The following CNTNAP2 variants were observed in gnomAD, a reference collection of about 807,000 sequenced individuals.
CNTNAP2 encodes the protein contactin-associated protein-like 2.
Under a neutral mutation model 155.2 loss-of-function variants are expected in CNTNAP2, and 98 were observed. That is an observed-to-expected ratio of 0.63 (90% CI 0.54 to 0.75). The LOEUF is 0.75. Among genes scored for constraint, CNTNAP2 ranks in the 30% least tolerant of loss-of-function variants. The pLI is 0.00. For synonymous variants in CNTNAP2, 651 were observed against 631.2 expected, an observed-to-expected ratio of 1.03 and a Z score of -0.47; for missense variants, 1,727 against 1,688.1, an observed-to-expected ratio of 1.02 and a Z score of -0.40.
At chr7:146,865,677 T>A (rs1795190703) in intron 3 of CNTNAP2, among the ~76,000 whole-genome samples, 1 of 152,222 alleles carries the variant, frequency 6.6e-6, no homozygotes, top group Admixed American at 6.5e-5. Flanking sequence ...GTTTTAAACC[T>A]CTAGAAGAAT....
At chr7:148,156,867 C>T (rs1805408508) in intron 17 of CNTNAP2, among the ~76,000 whole-genome samples, 1 of 152,142 alleles carries the variant, frequency 6.6e-6, no homozygotes, top group African/African-American at 2.4e-5. Context: ...CTCTTTCCCT[C>T]ATCACTTCCT....
At chr7:147,028,907 T>G (rs1798972683) in intron 3 of CNTNAP2, among the ~76,000 whole-genome samples, 1 of 147,008 alleles carries the variant, frequency 6.8e-6, no homozygotes, top group Admixed American at 6.8e-5. Flanking sequence ...CCAATGAAGA[T>G]AAAGGAGAAG....
intron 2 of CNTNAP2, among the ~76,000 whole-genome samples, chr7:146,825,682 C>T (rs1347737317): frequency 6.6e-6 from 1 of 152,094 alleles, no homozygotes; most frequent in African/African-American, 2.4e-5. Flanking sequence ...AAGCAATTTT[C>T]CACTTACTGC....
chr7:148,214,315 T>A (rs1225170914), intron 18 of CNTNAP2, among the ~76,000 whole-genome samples: 1 of 152,212 alleles, frequency 6.6e-6, no homozygotes, highest in Non-Finnish European at 1.5e-5. Flanking sequence ...ATTTAGGTAG[T>A]GAGATGGGGT....
intron 15 of CNTNAP2, among the ~76,000 whole-genome samples, chr7:147,990,888 C>A (rs186976574): frequency 2.0e-5 from 3 of 152,074 alleles, no homozygotes; most frequent in Middle Eastern, 3.4e-3. Context: ...AATGTTTAGC[C>A]CCCTTTTCCC....
At chr7:147,553,098 C>A (rs1192429218) in intron 11 of CNTNAP2, among the ~76,000 whole-genome samples, 1 of 152,176 alleles carries the variant, frequency 6.6e-6, no homozygotes, top group Non-Finnish European at 1.5e-5. Flanking sequence ...GTATCAGTGA[C>A]ATTCTTGAAG....
At chr7:147,917,545 T>A (rs1800181440) in intron 14 of CNTNAP2, among the ~76,000 whole-genome samples, 2 of 152,192 alleles carry the variant, frequency 1.3e-5, no homozygotes, top group Non-Finnish European at 2.9e-5. Flanking sequence ...AGCATGCCTT[T>A]TCCTTCCAAG....
At chr7:147,813,062 G>A (rs1474750721) in intron 13 of CNTNAP2, among the ~76,000 whole-genome samples, 1 of 151,384 alleles carries the variant, frequency 6.6e-6, no homozygotes, top group Non-Finnish European at 1.5e-5. Context: ...TTGATCCTTG[G>A]TTGATGCTAA....
chr7:148,324,718 A>C (rs2116543664), intron 21 of CNTNAP2, among the ~76,000 whole-genome samples: 1 of 148,392 alleles, frequency 6.7e-6, no homozygotes, highest in East Asian at 2.0e-4. Flanking sequence ...GAATCACTTG[A>C]ACCTGGGATG....
chr7:147,798,737 A>G (rs577359924), intron 13 of CNTNAP2, among the ~76,000 whole-genome samples: 7 of 152,334 alleles, frequency 4.6e-5, no homozygotes, highest in South Asian at 4.1e-4. Flanking sequence ...TGATTGATTT[A>G]GACAAATCAG....
intron 2 of CNTNAP2, among the ~76,000 whole-genome samples, chr7:146,788,503 T>C (rs1802615923): frequency 6.6e-6 from 1 of 152,228 alleles, no homozygotes; most frequent in East Asian, 1.9e-4. Context: ...AAATGATGAC[T>C]TCTTTACTGT....
intron 1 of CNTNAP2, among the ~76,000 whole-genome samples, chr7:146,526,612 C>A (rs995492245): frequency 1.3e-5 from 2 of 152,152 alleles, no homozygotes; most frequent in African/African-American, 4.8e-5. Context: ...CTCCAGGCCC[C>A]ACCTCCAACA....
At chr7:146,710,600 C>A (rs1801047665) in intron 1 of CNTNAP2, among the ~76,000 whole-genome samples, 1 of 152,062 alleles carries the variant, frequency 6.6e-6, no homozygotes, top group Non-Finnish European at 1.5e-5. Context: ...AAAGTTACTA[C>A]TATAGGAGCA....
At chr7:147,475,637 T>TA (rs1038414895) in intron 10 of CNTNAP2, among the ~76,000 whole-genome samples, 7 of 149,990 alleles carry the variant, frequency 4.7e-5, no homozygotes, top group South Asian at 2.1e-4. Context: ...ACTCAAGATT[T>TA]AAAAAAAAAA....
At chr7:147,365,622 T>C (rs1287112777) in intron 9 of CNTNAP2, among the ~76,000 whole-genome samples, 1 of 152,238 alleles carries the variant, frequency 6.6e-6, no homozygotes. Context: ...GTCAAAACAT[T>C]ATCAGTCTCT....
At chr7:147,996,078 A>C (rs1476978990) in intron 15 of CNTNAP2, among the ~76,000 whole-genome samples, 1 of 152,246 alleles carries the variant, frequency 6.6e-6, no homozygotes, top group Non-Finnish European at 1.5e-5. Context: ...GCGAAAGCAC[A>C]AGGTCAACCC....
At chr7:147,759,419 G>T (rs1797265572) in intron 13 of CNTNAP2, among the ~76,000 whole-genome samples, 1 of 152,138 alleles carries the variant, frequency 6.6e-6, no homozygotes, top group South Asian at 2.1e-4. Flanking sequence ...AGTACCTCCG[G>T]TTTACCATTG....
chr7:147,584,174 G>A (rs552934727), intron 12 of CNTNAP2, among the ~76,000 whole-genome samples: 1 of 152,296 alleles, frequency 6.6e-6, no homozygotes, highest in Admixed American at 6.5e-5. Flanking sequence ...TTTCAAGTAT[G>A]CACAAAAGTG....
intron 15 of CNTNAP2, among the ~76,000 whole-genome samples, chr7:148,109,351 GTGTTTTGTTT>G (rs71188946): frequency 0.018 from 2,618 of 147,090 alleles, 43 homozygotes; most frequent in Middle Eastern, 0.031. Flanking sequence ...AAGAAGAGAG[GTGTTTTGTTT>G]TGTTTTGTTT....
Sources: allele counts gnomAD v4.1 joint callset (sites outside exome capture counted in the v4.1 genomes callset), GRCh38; gene constraint gnomAD v4.1.1; transcripts MANE v1.5; gene names NCBI Gene and HGNC (gene_info 2026-07-23, HGNC 2026-07-21).